Variants in RBFOX1 observed in about 807,000 individuals in gnomAD.
RBFOX1 encodes the protein RNA binding fox-1 homolog 1.
RBFOX1 carries 8 observed loss-of-function variants against 57.7 expected under a neutral mutation model. That is an observed-to-expected ratio of 0.14 (90% CI 0.08 to 0.25). The LOEUF is 0.25. RBFOX1 is among the 10% of genes least tolerant of loss of function. The pLI is 1.00. For missense variants in RBFOX1, 611 were observed against 548.5 expected (o/e 1.11, Z -1.14); for synonymous variants, 326 against 222.4 (o/e 1.47, Z -4.15).
intron 4 of RBFOX1, among the ~76,000 whole-genome samples, chr16:5,939,318 T>C (rs1597872554): frequency 6.6e-6 from 1 of 152,388 alleles, no homozygotes. Context: ...ATAGTTATTA[T>C]ATGACAGTTT....
rs111595560 is a variant in RBFOX1, at chr16:6,611,408, A to C, written c.-63-43195A>C. Among the ~76,000 whole-genome samples the C allele has an allele frequency of 2.0e-3, 297 of 152,256 alleles. 1 individual carries two copies. Among genetic ancestry groups the C allele is most frequent in the African/African-American group, 7.1e-3 (294 of 41,554 alleles). On this transcript the variant is annotated intron_variant, in intron 2 of 15. Coordinates refer to ENST00000550418, the MANE Select transcript of RBFOX1 (RefSeq NM_018723.4). ...GTGATCCATCTGCCTCAGCCTCCCA[A>C]AGTGCTGGGATGTCAGGCGTGAGCC...
intron 1 of RBFOX1, among the ~76,000 whole-genome samples, chr16:6,212,720 CAAACAAACAAA>C (rs1428232457): frequency 2.6e-4 from 2 of 7,670 alleles, no homozygotes; most frequent in South Asian, 0.083. Context: ...AACAAACAAA[CAAACAAACAAA>C]AAAAAAACCC....
chr16:5,323,124 G>A (rs1157227600), intron 1 of RBFOX1, among the ~76,000 whole-genome samples: 1 of 152,180 alleles, frequency 6.6e-6, no homozygotes, highest in East Asian at 1.9e-4. Context: ...GTGATTTAAT[G>A]CTTTGAAAAT....
At chr16:7,015,160 C>T (rs560829169) in intron 3 of RBFOX1, among the ~76,000 whole-genome samples, 2 of 152,160 alleles carry the variant, frequency 1.3e-5, no homozygotes, top group Non-Finnish European at 2.9e-5. Flanking sequence ...TTCTTAGTCA[C>T]TCTCAGTAGT....
At chr16:7,619,931 C>A (rs2059050414) in intron 10 of RBFOX1, among the ~76,000 whole-genome samples, 1 of 152,312 alleles carries the variant, frequency 6.6e-6, no homozygotes, top group South Asian at 2.1e-4. Flanking sequence ...AATCCTAGCC[C>A]AGACACCTAT....
intron 4 of RBFOX1, among the ~76,000 whole-genome samples, chr16:7,459,133 G>C (rs576625034): frequency 3.9e-5 from 6 of 152,280 alleles, no homozygotes; most frequent in African/African-American, 9.6e-5. Flanking sequence ...TGGGTGAGTG[G>C]ATGGATGAAT....
At chr16:6,589,716 G>T (rs1173949094) in intron 2 of RBFOX1, among the ~76,000 whole-genome samples, 2 of 152,180 alleles carry the variant, frequency 1.3e-5, no homozygotes, top group Admixed American at 6.5e-5. Context: ...CATAAAGGGG[G>T]ATTGTTTGGG....
At chr16:5,351,922 A>G (rs528244321) in intron 1 of RBFOX1, among the ~76,000 whole-genome samples, 23 of 151,784 alleles carry the variant, frequency 1.5e-4, no homozygotes, top group African/African-American at 5.3e-4. Context: ...TCCTGTCTCA[A>G]CCTTCCGAGT....
intron 4 of RBFOX1, among the ~76,000 whole-genome samples, chr16:7,449,208 C>A (rs527355615): frequency 6.6e-6 from 1 of 152,050 alleles, no homozygotes; most frequent in Admixed American, 6.5e-5. Context: ...GGATTACAGG[C>A]GTGAGCCACC....
chr16:5,361,765 C>G (rs578190030), intron 1 of RBFOX1, among the ~76,000 whole-genome samples: 135 of 152,310 alleles, frequency 8.9e-4, no homozygotes, highest in African/African-American at 3.2e-3. Context: ...GCTCAGGCCA[C>G]CCAGCTGTCT....
intron 3 of RBFOX1, among the ~76,000 whole-genome samples, chr16:5,636,590 T>C (rs1188287581): frequency 1.3e-5 from 2 of 152,094 alleles, no homozygotes; most frequent in Non-Finnish European, 2.9e-5. Flanking sequence ...TTTTATTGGC[T>C]CATGAACTGG....
chr16:6,246,690 C>T (rs947939429), intron 1 of RBFOX1, among the ~76,000 whole-genome samples: 1 of 152,176 alleles, frequency 6.6e-6, no homozygotes, highest in African/African-American at 2.4e-5. Flanking sequence ...AAGTGTCAGA[C>T]TTTGTGTTAG....
intron 4 of RBFOX1, among the ~76,000 whole-genome samples, chr16:5,993,340 CGTGTGTGTGTGTGTGT>C (rs58189800): frequency 9.7e-4 from 129 of 132,944 alleles, no homozygotes; most frequent in Middle Eastern, 7.4e-3. Flanking sequence ...TAATGCTGTA[CGTGTGTGTGTGTGTGT>C]GTGTGTGTGT....
chr16:7,705,062 AAAGGC>A (rs1224640650), intron 14 of RBFOX1, among the ~76,000 whole-genome samples: 13 of 151,976 alleles, frequency 8.6e-5, no homozygotes, highest in Admixed American at 6.5e-4. Context: ...AAAAAAAAAA[AAAGGC>A]AGAGAGCCAG....
At chr16:6,113,312 C>G (rs1446973247) in intron 1 of RBFOX1, among the ~76,000 whole-genome samples, 1 of 152,096 alleles carries the variant, frequency 6.6e-6, no homozygotes, top group African/African-American at 2.4e-5. Flanking sequence ...TCTCATTGGC[C>G]AAAGCAAGTT....
chr16:7,099,916 A>G (rs752461897), intron 4 of RBFOX1, among the ~76,000 whole-genome samples: 1 of 152,066 alleles, frequency 6.6e-6, no homozygotes, highest in Non-Finnish European at 1.5e-5. Context: ...TTCTTATCAG[A>G]CTTAAAGTTT....
At chr16:5,572,219 G>T (rs937744016) in intron 2 of RBFOX1, among the ~76,000 whole-genome samples, 1 of 152,212 alleles carries the variant, frequency 6.6e-6, no homozygotes, top group African/African-American at 2.4e-5. Flanking sequence ...TTATACTTCT[G>T]TGGCTCAGAA....
At chr16:7,382,374 G>A (rs906545194) in intron 4 of RBFOX1, among the ~76,000 whole-genome samples, 24 of 152,210 alleles carry the variant, frequency 1.6e-4, no homozygotes, top group African/African-American at 5.8e-4. Flanking sequence ...AAGCTGCTCT[G>A]GAATGTATAT....
intron 4 of RBFOX1, among the ~76,000 whole-genome samples, chr16:7,169,716 G>A (rs2080294441): frequency 6.6e-6 from 1 of 152,188 alleles, no homozygotes; most frequent in Non-Finnish European, 1.5e-5. Flanking sequence ...TGTTGCATAT[G>A]ATGATACAGA....
Sources: allele counts gnomAD v4.1 joint callset (sites outside exome capture counted in the v4.1 genomes callset), GRCh38; gene constraint gnomAD v4.1.1; transcripts MANE v1.5; gene names NCBI Gene and HGNC (gene_info 2026-07-23, HGNC 2026-07-21).